The following AVEN variants were observed in gnomAD, a reference collection of about 807,000 sequenced individuals.
The protein encoded by AVEN is apoptosis and caspase activation inhibitor, also known as cell death regulator Aven.
Under a neutral mutation model 38.1 loss-of-function variants are expected in AVEN, and 41 were observed. The observed-to-expected ratio is 1.08, with a 90% CI of 0.84 to 1.40. AVEN has a LOEUF of 1.40. AVEN is among the 40% of genes most tolerant of loss of function. AVEN has a pLI of 0.00. For synonymous variants in AVEN, 206 were observed against 171.8 expected (o/e 1.20, Z -1.56); for missense variants, 605 against 438.8 (o/e 1.38, Z -3.38).
chr15:33,958,610 A>G (rs1597274402), intron 2 of AVEN, among the ~76,000 whole-genome samples: 1 of 150,034 alleles, frequency 6.7e-6, no homozygotes, highest in African/African-American at 2.5e-5. Flanking sequence ...AAAAAAAGGA[A>G]AAGAAAAGAA....
chr15:33,864,008 C>G (rs545341097), downstream of AVEN: 3 of 630,262 alleles, frequency 4.8e-6, no homozygotes, highest in Non-Finnish European at 8.5e-6. Flanking sequence ...TGCCACACTT[C>G]CCTGATCATT....
upstream of AVEN, among the ~76,000 whole-genome samples, chr15:34,043,983 G>C (rs574031511): frequency 3.3e-4 from 50 of 151,728 alleles, 1 homozygote; most frequent in South Asian, 0.01. Context: ...ACCTACTTGG[G>C]GACGTCTTTC....
chr15:34,001,463 C>T (rs187469348), intron 2 of AVEN, among the ~76,000 whole-genome samples: 88 of 152,186 alleles, frequency 5.8e-4, no homozygotes, highest in African/African-American at 2.1e-3. Context: ...AATTTTCTCC[C>T]CCTAGATCTT....
chr15:34,013,653 G>A (rs931186409), intron 1 of AVEN, among the ~76,000 whole-genome samples: 41 of 152,170 alleles, frequency 2.7e-4, no homozygotes, highest in African/African-American at 9.7e-4. Context: ...TGGGAAACAC[G>A]GAGAAGTAAA....
intron 5 of AVEN, among the ~76,000 whole-genome samples, chr15:34,050,087 C>T (rs1022370086): frequency 6.6e-6 from 1 of 151,834 alleles, no homozygotes; most frequent in Non-Finnish European, 1.5e-5. Context: ...GGGGTTTCAC[C>T]TTGTTGGTCA....
chr15:34,057,863 C>T (rs764297209), intron 5 of AVEN, among the ~76,000 whole-genome samples: 1 of 152,144 alleles, frequency 6.6e-6, no homozygotes, highest in Admixed American at 6.5e-5. Context: ...TGACCAATGC[C>T]AAATTGTGAT....
intron 2 of AVEN, among the ~76,000 whole-genome samples, chr15:33,973,832 C>A (rs1350528009): frequency 6.6e-6 from 1 of 152,168 alleles, no homozygotes; most frequent in Admixed American, 6.5e-5. Flanking sequence ...AGTTAATCAG[C>A]AGATGTGTTA....
At chr15:33,989,866 A>T (rs888574740) in intron 2 of AVEN, among the ~76,000 whole-genome samples, 2 of 150,748 alleles carry the variant, frequency 1.3e-5, no homozygotes, top group Non-Finnish European at 2.9e-5. Flanking sequence ...TACAAAGAAG[A>T]GACAATAGCA....
chr15:34,028,976 T>C (rs1898631224), intron 1 of AVEN, among the ~76,000 whole-genome samples: 1 of 152,206 alleles, frequency 6.6e-6, no homozygotes, highest in Admixed American at 6.5e-5. Context: ...TCTTAGTTAT[T>C]CATTTGTCTA....
At chr15:33,933,263 C>G (rs1893918262) in intron 2 of AVEN, among the ~76,000 whole-genome samples, 1 of 152,094 alleles carries the variant, frequency 6.6e-6, no homozygotes, top group African/African-American at 2.4e-5. Context: ...GCCCTTGTCT[C>G]TCTCTGTTCT....
Position 33,867,723 on chromosome 15 carries a change from C to T in AVEN, c.745G>A (p.Ala249Thr). 6.2e-7 allele frequency: 1 copy of T among 1,614,190 alleles called. No homozygotes were observed. Among genetic ancestry groups the T allele is most frequent in the South Asian group, 1.1e-5 (1 of 91,082 alleles). ...TTGCCCAGCAACACAGGGCAGCCAG[C>T]AGCCACAGATTTCAGCTCAAAGATG... ...GPIFELKSVA[A>T]GCPVLLGKDN... The change falls in exon 5 of 6, where the codon GCT becomes ACT. Residue 249 changes from alanine (A) to threonine (T), a missense_variant. Transcript: ENST00000306730.
chr15:33,901,931 T>C (rs1405516188), intron 2 of AVEN, among the ~76,000 whole-genome samples: 2 of 152,244 alleles, frequency 1.3e-5, no homozygotes, highest in Admixed American at 6.5e-5. Flanking sequence ...TTATCAGATA[T>C]GTAGTCTGTG....
intron 4 of AVEN, among the ~76,000 whole-genome samples, chr15:33,870,123 T>A (rs2153034318): frequency 6.6e-6 from 1 of 152,252 alleles, no homozygotes; most frequent in South Asian, 2.1e-4. Context: ...CAATTTCCAA[T>A]ATACCGTCAA....
At chr15:33,873,397 C>G (rs541490613) in intron 3 of AVEN, among the ~76,000 whole-genome samples, 65 of 150,162 alleles carry the variant, frequency 4.3e-4, no homozygotes, top group Non-Finnish European at 8.9e-4. Context: ...ACTGCGCCCG[C>G]CCCCTCTCTA....
intron 5 of AVEN, among the ~76,000 whole-genome samples, chr15:34,052,238 GA>G (rs369505121): frequency 2.0e-5 from 3 of 151,262 alleles, no homozygotes; most frequent in South Asian, 2.1e-4. Context: ...CAGAACTAAA[GA>G]AAAAAAACCA....
At chr15:34,066,348 T>G (rs1284483176) in intron 3 of AVEN, 3 of 152,244 alleles carry the variant, frequency 2.0e-5, no homozygotes, top group African/African-American at 7.2e-5. Flanking sequence ...GAGAATAGGC[T>G]TTTAAGCCCA....
intron 3 of AVEN, among the ~76,000 whole-genome samples, 190 bp from the exon 4 acceptor site, chr15:33,871,220 G>C (rs1225362954): frequency 6.6e-6 from 1 of 152,060 alleles, no homozygotes; most frequent in Non-Finnish European, 1.5e-5. Context: ...CTACCTTCTT[G>C]AGCCACAGCT....
At chr15:34,006,242 C>T (rs569497236) in intron 1 of AVEN, among the ~76,000 whole-genome samples, 7 of 150,928 alleles carry the variant, frequency 4.6e-5, no homozygotes, top group Admixed American at 6.6e-5. Context: ...ATCCAGGAGG[C>T]GGAGTTTGCA....
At chr15:33,930,678 G>A (rs539767326) in intron 2 of AVEN, among the ~76,000 whole-genome samples, 8 of 152,244 alleles carry the variant, frequency 5.3e-5, no homozygotes, top group East Asian at 1.9e-4. Flanking sequence ...AGAACTGGCC[G>A]GGCGCGGTGG....
Sources: allele counts gnomAD v4.1 joint callset (sites outside exome capture counted in the v4.1 genomes callset), GRCh38; gene constraint gnomAD v4.1.1; transcripts MANE v1.5; gene names NCBI Gene and HGNC (gene_info 2026-07-23, HGNC 2026-07-21).